Variants in QSOX1 observed in about 807,000 individuals in gnomAD.
QSOX1 encodes quiescin sulfhydryl oxidase 1.
In QSOX1, 40 loss-of-function variants were observed where a neutral mutation model predicts 76.1. The ratio of observed to expected loss-of-function variants is 0.53; its 90% CI spans 0.41 to 0.68. The LOEUF (loss-of-function observed/expected upper bound fraction) is 0.68. QSOX1 is among the 30% of genes least tolerant of loss of function. The probability of loss-of-function intolerance (pLI) is 0.00; values close to 1 mark genes in which losing one functional copy is unlikely to be tolerated. For missense variants in QSOX1, 931 were observed against 974.3 expected (o/e 0.96, Z 0.59); for synonymous variants, 392 against 413.1 (o/e 0.95, Z 0.62).
chr1:180,155,525 T>C (rs1186370509), intron 1 of QSOX1, among the ~76,000 whole-genome samples: 2 of 152,144 alleles, frequency 1.3e-5, no homozygotes, highest in East Asian at 3.9e-4. Flanking sequence ...ACCTTACCGT[T>C]TCCTGGGCCA....
In QSOX1 at chr1:180,181,045, A is replaced by G. The variant is rs141021941; in HGVS notation, c.607-1129A>G. ...AGGCAACTGTAGTGTACGGTGCCGC[A>G]TCTCTTAGTCTCCTGAGAATAGCTG... On this transcript the variant is annotated intron_variant, in intron 5 of 11. Coordinates refer to ENST00000367602, the MANE Select transcript of QSOX1 (RefSeq NM_002826.5). Among the ~76,000 whole-genome samples, 31 of 152,286 alleles carry G rather than the reference A, an allele frequency of 2.0e-4. 1 individual carries two copies. The highest frequency in any genetic ancestry group is 1.9e-3 in the East Asian group (10 of 5,188).
At chr1:180,193,782 G>C (rs762250098) in intron 10 of QSOX1, among the ~76,000 whole-genome samples, 1 of 152,156 alleles carries the variant, frequency 6.6e-6, no homozygotes, top group Non-Finnish European at 1.5e-5. Flanking sequence ...GTCCAGGCCC[G>C]AGGGAGGTGA....
intron 2 of QSOX1, among the ~76,000 whole-genome samples, chr1:180,169,182 G>A (rs1421321295): frequency 1.3e-5 from 2 of 152,266 alleles, no homozygotes; most frequent in African/African-American, 4.8e-5. Context: ...GGAAACAAAG[G>A]CGTGGGAGAG....
chr1:180,196,626 T>C lies in QSOX1; in HGVS notation c.1833T>C (p.Pro611=), dbSNP rs765360649. 3 of 1,614,198 alleles carry C rather than the reference T, an allele frequency of 1.9e-6. No individual in the cohort carries two copies. Among genetic ancestry groups the C allele is most frequent in the Non-Finnish European group, 8.5e-7 (1 of 1,180,048 alleles). ...CAAGTCGACCCCCGAAGCTGCACCC[T>C]GGCCTCAGAGCTGCACCAGGCCAGG... is the stretch of plus-strand genomic sequence containing the variant. The part of the protein sequence containing the change: ...PEASRPPKLH[P]GLRAAPGQEP... Residue 611 remains proline (P), a synonymous_variant, in exon 12 of 12, where the codon CCT becomes CCC. Transcript: ENST00000367602. This position sits in a 1 kb window ranked among gnomAD's most constrained non-coding sequence, Gnocchi z 4.1.
chr1:180,159,532 A>G (rs2149228875), intron 1 of QSOX1, among the ~76,000 whole-genome samples: 1 of 152,352 alleles, frequency 6.6e-6, no homozygotes, highest in South Asian at 2.1e-4. Flanking sequence ...GTCTTACAGA[A>G]TGAGTATTCT....
Position 180,190,493 on chromosome 1 carries a change from C to T in QSOX1, c.1201C>T (p.Arg401Trp), listed in dbSNP as rs1024762115. The change falls in exon 10 of 12, where the codon CGG (arginine) becomes TGG (tryptophan). Residue 401 changes from arginine to tryptophan, a missense_variant. By Grantham distance (101) the Arg-to-Trp change is moderately radical. Coordinates refer to ENST00000367602, the MANE Select transcript of QSOX1 (RefSeq NM_002826.5). ...CTGCCAGGGGAGTGAGCCGCATTTCCGGGGCTTTCCCTGCTCCCTGTGGGT... is the reference window on the plus strand; with the variant it reads ...CTGCCAGGGGAGTGAGCCGCATTTCTGGGGCTTTCCCTGCTCCCTGTGGGT... ...IGCQGSEPHFRGFPCSLWVLF... is the reference protein window; with the variant it reads ...IGCQGSEPHFWGFPCSLWVLF... 14 of 1,613,966 alleles carry T rather than the reference C, an allele frequency of 8.7e-6. No homozygotes were observed. Among genetic ancestry groups the T allele is most frequent in the Admixed American group, 3.3e-5 (2 of 60,000 alleles).
At chr1:180,192,099 C>T (rs544477254) in intron 10 of QSOX1, among the ~76,000 whole-genome samples, 108 of 152,244 alleles carry the variant, frequency 7.1e-4, no homozygotes, top group Non-Finnish European at 6.8e-4. Flanking sequence ...TCTCCAAATA[C>T]GGCCACATTC....
intron 1 of QSOX1, among the ~76,000 whole-genome samples, chr1:180,166,078 C>A (rs1406001880): frequency 6.6e-6 from 1 of 152,088 alleles, no homozygotes; most frequent in African/African-American, 2.4e-5. Flanking sequence ...AAGGCATGTT[C>A]TCCACCCTCT....
chr1:180,195,206 CTG>C (rs1663441299), intron 11 of QSOX1, among the ~76,000 whole-genome samples: 1 of 152,142 alleles, frequency 6.6e-6, no homozygotes, highest in Non-Finnish European at 1.5e-5. Context: ...AGGCTCCCAG[CTG>C]CTGCTGGAGG....
intron 1 of QSOX1, among the ~76,000 whole-genome samples, chr1:180,161,604 G>A (rs1237102333): frequency 1.3e-5 from 2 of 152,172 alleles, no homozygotes; most frequent in Non-Finnish European, 2.9e-5. Flanking sequence ...GGGAGAAAAT[G>A]TTTCCATTTT....
Position 180,159,216 on chromosome 1 carries a change from G to A in QSOX1, c.265+4044G>A, listed in dbSNP as rs72710693. Among the ~76,000 whole-genome samples the A allele has an allele frequency of 0.022, 3,359 of 152,240 alleles. 190 individuals carry two copies. The East Asian group carries it at 0.23, about 11-fold the overall frequency. ...ATTCTGTGGTTGGTAGAAAAATTAC[G>A]CTGTTCAGAGCAATAATTGCACCAG... On this transcript the variant is annotated intron_variant, in intron 1 of 11. Transcript: ENST00000367602.
At chr1:180,194,165 G>A (rs763568343) in intron 10 of QSOX1, 48 bp from the exon 11 acceptor site, 9 of 1,550,262 alleles carry the variant, frequency 5.8e-6, no homozygotes, top group South Asian at 1.2e-5. Context: ...ACGGCTGTGG[G>A]GCTGGCAGCC....
chr1:180,182,472 A>T (rs1186026585), intron 6 of QSOX1, among the ~76,000 whole-genome samples, 153 bp downstream of exon 6: 1 of 152,176 alleles, frequency 6.6e-6, no homozygotes, highest in Non-Finnish European at 1.5e-5. Flanking sequence ...CTGCGGGGCC[A>T]GCGCCTCCAC....
At chr1:180,168,201 C>T (rs917194749) in intron 2 of QSOX1, among the ~76,000 whole-genome samples, 3 of 152,250 alleles carry the variant, frequency 2.0e-5, no homozygotes, top group African/African-American at 7.2e-5. Context: ...CCCCATGTCA[C>T]GCAGCGCACG....
intron 1 of QSOX1, among the ~76,000 whole-genome samples, chr1:180,165,262 C>T (rs1662587396): frequency 6.6e-6 from 1 of 152,186 alleles, no homozygotes; most frequent in Admixed American, 6.5e-5. Flanking sequence ...ACTCCCTGCC[C>T]CTGGGGCATG....
rs374265649 is a variant in QSOX1 at position 180,192,021 on chromosome 1, C to T, written c.1288+1441C>T. 3.9e-5 allele frequency among the ~76,000 whole-genome samples: 6 copies of T among 152,130 alleles called. No homozygotes were observed. In the East Asian group the frequency reaches 9.6e-4, roughly 24 times the overall value. The stretch of plus-strand genomic sequence containing the variant: ...AAATTTCCTCTTCCTGCAAGGACAC[C>T]AGTCCTATTGGATTAGGGCCCACCC... On this transcript the variant is annotated intron_variant, in intron 10 of 11. Transcript: ENST00000367602.
chr1:180,198,682 C>T lies in QSOX1; in HGVS notation c.*1645C>T. 1 of 331,246 alleles carries T rather than the reference C, an allele frequency of 3.0e-6. No individual in the cohort carries two copies. Among genetic ancestry groups the T allele is most frequent in the Non-Finnish European group, 6.0e-6 (1 of 165,952 alleles). The allele number at this position is 331,246 out of a possible 1,614,324, so 20.5% of individuals were successfully genotyped here. On this transcript the variant is annotated 3_prime_UTR_variant, in exon 12 of 12. Transcript: ENST00000367602. ...CGCCTTGCTGGGCTCCTGGGTTGGA[C>T]TCCCTCTCTGTGCCCCTGCTCCAGG...
chr1:180,166,587 T>C lies in QSOX1; in HGVS notation c.362T>C (p.Val121Ala), dbSNP rs1558184560. 3.1e-6 allele frequency: 5 copies of C among 1,613,486 alleles called. No individual in the cohort carries two copies. The highest frequency in any genetic ancestry group is 4.2e-6 in the Non-Finnish European group (5 of 1,179,576). ...RDFNIPGFPT[V>A]RFFKAFTKNG... ...TTCAACATCCCTGGCTTCCCGACTG[T>C]GAGGGTGTGTGACTGACAGGAGGGG... is the stretch of plus-strand genomic sequence containing the variant. Residue 121 changes from valine to alanine, a missense_variant, in exon 2 of 12, where the codon GTG (valine) becomes GCG (alanine). Coordinates refer to ENST00000367602, the MANE Select transcript of QSOX1 (RefSeq NM_002826.5).
intron 2 of QSOX1, among the ~76,000 whole-genome samples, chr1:180,174,255 C>T (rs1241495602): frequency 6.6e-6 from 1 of 152,082 alleles, no homozygotes; most frequent in Non-Finnish European, 1.5e-5. Context: ...TGGCAGCTGT[C>T]TTGCCGCCTG....
Sources: allele counts gnomAD v4.1 joint callset (sites outside exome capture counted in the v4.1 genomes callset), GRCh38; gene constraint gnomAD v4.1.1; non-coding constraint Gnocchi (gnomAD v3.1); transcripts MANE v1.5; gene names NCBI Gene and HGNC (gene_info 2026-07-23, HGNC 2026-07-21).